Variants in MCM7 observed in about 807,000 individuals in gnomAD.
MCM7 encodes the protein minichromosome maintenance complex component 7, also known as DNA replication licensing factor MCM7.
Under a neutral mutation model 83.5 loss-of-function variants are expected in MCM7, and 95 were observed. That is an observed-to-expected ratio of 1.14 (90% confidence interval 0.96 to 1.35). The LOEUF (loss-of-function observed/expected upper bound fraction) is 1.35. Among genes scored for constraint, MCM7 ranks in the 40% most tolerant of loss-of-function variants. The pLI is 0.00. For missense variants in MCM7, 1,087 were observed against 957.4 expected (o/e 1.14, Z -1.79); for synonymous variants, 461 against 352.7 (o/e 1.31, Z -3.44).
At chr7:100,100,380 C>A (rs1020678576) in intron 1 of MCM7, 105 of 1,095,380 alleles carry the variant, frequency 9.6e-5, no homozygotes, top group Non-Finnish European at 1.1e-4. Context: ...GCCCCTCACA[C>A]TCCGGTCTCA....
In MCM7 at chr7:100,095,997, T is replaced by C. The variant is rs1795613384; in HGVS notation, c.1372A>G (p.Ile458Val). 1 of 1,614,108 alleles carries C rather than the reference T, an allele frequency of 6.2e-7. No individual in the cohort carries two copies. Among genetic ancestry groups the C allele is most frequent in the Non-Finnish European group, 8.5e-7 (1 of 1,180,006 alleles). ...GTCTGCTGCTCCATGACCTCGTGGA[T>C]GGCTGTGCGGTCGGCCTCAGCCATC... ...DKMAEADRTA[I>V]HEVMEQQTIS... The change falls in exon 11 of 15, where the codon ATC becomes GTC. Residue 458 changes from isoleucine to valine, a missense_variant. By Grantham distance (29) the Ile-to-Val change is conservative. Transcript: ENST00000303887.
At position 100,093,005 on chromosome 7, in the gene MCM7, G is replaced by A. The variant is rs1804099; in HGVS notation, c.2087C>T (p.Ala696Val). 35 of 1,614,090 alleles carry A rather than the reference G, an allele frequency of 2.2e-5. No homozygotes were observed. The African/African-American group carries it at 3.2e-4, about 15-fold the overall frequency. ...GAGCTCCTCATATTCATCCAGAGCCGCCTGGAACTGGGCGGGTGTGAAGCC... is the reference window on the plus strand; with the variant it reads ...GAGCTCCTCATATTCATCCAGAGCCACCTGGAACTGGGCGGGTGTGAAGCC... Reference protein sequence around the residue: ...SRGFTPAQFQAALDEYEELNV... With the variant: ...SRGFTPAQFQVALDEYEELNV... The change falls in exon 15 of 15, where the codon GCG (alanine) becomes GTG (valine). Residue 696 changes from alanine to valine, a missense_variant. Transcript: ENST00000303887.
intron 6 of MCM7, 34 bp from the exon 7 acceptor site, chr7:100,098,324 A>G (rs1264717963): frequency 6.2e-7 from 1 of 1,610,226 alleles, no homozygotes; most frequent in Admixed American, 1.7e-5. Flanking sequence ...GACTAGGAGA[A>G]ATGGACAAGG....
chr7:100,099,403 C>T lies in MCM7; in HGVS notation c.277G>A (p.Val93Met), dbSNP rs561088482. 784 of 1,504,876 alleles carry T rather than the reference C, an allele frequency of 5.2e-4. 10 individuals carry two copies. The South Asian group carries it at 8.8e-3, about 17-fold the overall frequency. The allele number at this position is 1,504,876 out of a possible 1,614,324, so 93.2% of individuals were successfully genotyped here. A position where few individuals can be genotyped will look rare whatever the true frequency, so the allele number is the denominator to read the frequency against. ...ACGTCCAGGACATCTTTATTTACCA[C>T]CTAAAGGAGAAGAACAAAAAAAAAA... Reference protein sequence around the residue: ...ELLPQYKEREVVNKDVLDVYI... With the variant: ...ELLPQYKEREMVNKDVLDVYI... The change falls in exon 4 of 15, where the codon GTG becomes ATG. Residue 93 changes from valine to methionine, a missense_variant and splice_region_variant. Physicochemically the swap from Val to Met is conservative, Grantham distance 21. Coordinates refer to ENST00000303887, the MANE Select transcript of MCM7 (RefSeq NM_005916.5).
chr7:100,095,318 A>G (rs574782857), intron 12 of MCM7, 69 bp downstream of exon 12: 1 of 1,363,502 alleles, frequency 7.3e-7, no homozygotes, highest in Non-Finnish European at 1.0e-6. Flanking sequence ...CCTAAGACTA[A>G]TAAGCACTTT....
intron 1 of MCM7, chr7:100,100,512 A>T: frequency 1.1e-5 from 11 of 992,152 alleles, no homozygotes; most frequent in Non-Finnish European, 1.3e-5. Flanking sequence ...CGCTCCCGCC[A>T]TCGCTTCCGC....
chr7:100,097,249 C>T, intron 10 of MCM7, 52 bp downstream of exon 10: 1 of 1,513,208 alleles, frequency 6.6e-7, no homozygotes, highest in Non-Finnish European at 9.2e-7. Context: ...TGAATAAACA[C>T]TGTGGTCCTG....
chr7:100,097,140 T>C (rs1341179013), intron 10 of MCM7, among the ~76,000 whole-genome samples, 161 bp downstream of exon 10: 1 of 152,174 alleles, frequency 6.6e-6, no homozygotes, highest in Non-Finnish European at 1.5e-5. Context: ...TTAGTAGACA[T>C]GGAAGCGGTC....
rs1795809482 is a variant in MCM7, at chr7:100,099,281, T to C, written c.399A>G (p.Arg133=). The change falls in exon 4 of 15, where the codon AGA becomes AGG. Residue 133 remains arginine, a splice_region_variant and synonymous_variant. Transcript: ENST00000303887. ...QNQYPAELMR[R]FELYFQGPSS... ...CTTTCCCGACAGAGACCACTCACAA[T>C]CTGCGCATGAGTTCAGCAGGGTACT... The C allele has an allele frequency of 6.2e-7, 1 of 1,614,092 alleles. No homozygotes were observed. Among genetic ancestry groups the C allele is most frequent in the South Asian group, 1.1e-5 (1 of 91,074 alleles).
At chr7:100,096,877 C>CAT (rs1432810693) in intron 10 of MCM7, among the ~76,000 whole-genome samples, 1 of 152,118 alleles carries the variant, frequency 6.6e-6, no homozygotes, top group Non-Finnish European at 1.5e-5. Context: ...CCGAGGCGGG[C>CAT]GGATCACGAG....
At chr7:100,100,810 C>G in intron 1 of MCM7, 2 of 998,002 alleles carry the variant, frequency 2.0e-6, no homozygotes, top group Non-Finnish European at 2.4e-6. Flanking sequence ...GCTCGGAGGG[C>G]GGCCTCAAAC....
In MCM7 at chr7:100,095,385, A is replaced by G. The variant is rs1396193269; in HGVS notation, c.1679+2T>C. The G allele has an allele frequency of 6.2e-7, 1 of 1,612,196 alleles. No individual in the cohort carries two copies. The highest frequency in any genetic ancestry group is 1.7e-5 in the Admixed American group (1 of 59,702). The stretch of plus-strand genomic sequence containing the variant: ...TTGCCCACCCGCACCCAGCTCTCCT[A>G]CCTCATGAGCTTCATGTCCAGAGGT... On this transcript the variant is annotated splice_donor_variant, in intron 12 of 14. Coordinates refer to ENST00000303887, the MANE Select transcript of MCM7 (RefSeq NM_005916.5). LOFTEE classifies it high-confidence loss of function.
At position 100,099,103 on chromosome 7, in the gene MCM7, T is replaced by G; in HGVS notation, c.502A>C (p.Thr168Pro). The change falls in exon 5 of 15, where the codon ACT becomes CCT. Residue 168 changes from threonine to proline, a missense_variant. Transcript: ENST00000303887. ...TTGGGTTTGACTTCAGAGACACGAG[T>G]GACGATTCCACGCACAGTTACCAAC... Reference protein sequence around the residue: ...GKLVTVRGIVTRVSEVKPKMV... With the variant: ...GKLVTVRGIVPRVSEVKPKMV... The G allele has an allele frequency of 6.2e-7, 1 of 1,613,926 alleles. No homozygotes were observed.
In MCM7 at chr7:100,095,458, G is replaced by A. The variant is rs1319750312; in HGVS notation, c.1608C>T (p.His536=). 6.2e-7 allele frequency: 1 copy of A among 1,614,122 alleles called. No individual in the cohort carries two copies. Among genetic ancestry groups the A allele is most frequent in the Non-Finnish European group, 8.5e-7 (1 of 1,180,020 alleles). Residue 536 remains histidine, a synonymous_variant, in exon 12 of 15, where the codon CAC becomes CAT. Coordinates refer to ENST00000303887, the MANE Select transcript of MCM7 (RefSeq NM_005916.5). Reference sequence around the variant, plus strand: ...GGCTGTGCTGGTGCACATAGGTGATGTGCTGGGCCAACCTGGACAGAGGGA... The same window carrying A: ...GGCTGTGCTGGTGCACATAGGTGATATGCTGGGCCAACCTGGACAGAGGGA... ...DRDNDLRLAQ[H]ITYVHQHSRQ...
rs1233672580 is a variant in MCM7, at chr7:100,093,283, A to G, written c.1958+9T>C. On this transcript the variant is annotated intron_variant, in intron 14 of 14. Coordinates refer to ENST00000303887, the MANE Select transcript of MCM7 (RefSeq NM_005916.5). ...GTGACACAGCTTTGTCCTTCACTAA[A>G]CCACTCACCTAGCTGTCTGCCCCTT... The G allele has an allele frequency of 8.1e-6, 13 of 1,611,804 alleles. No homozygotes were observed. The highest frequency in any genetic ancestry group is 1.3e-5 in the African/African-American group (1 of 74,908).
At chr7:100,100,792 C>T in intron 1 of MCM7, 2 of 994,422 alleles carry the variant, frequency 2.0e-6, no homozygotes, top group Non-Finnish European at 2.4e-6. Context: ...CCGCCCGGCT[C>T]CACTTCCGCT....
chr7:100,098,277 GGC>G lies in MCM7; in HGVS notation c.732_733del (p.Pro245CysfsTer7). ...GATACTACGAGGGATATTTCCCACA[GGC>G]ACCTGATCACTCTAGGGGAGGGAAA... On this transcript the variant is annotated frameshift_variant, in exon 7 of 15. Transcript: ENST00000303887. LOFTEE classifies it high-confidence loss of function. 1 of 1,614,136 alleles carries G rather than the reference GGC, an allele frequency of 6.2e-7. No individual in the cohort carries two copies. Among genetic ancestry groups the G allele is most frequent in the Non-Finnish European group, 8.5e-7 (1 of 1,180,024 alleles).
Position 100,096,098 on chromosome 7 carries a change from C to T in MCM7, c.1271G>A (p.Ser424Asn). Residue 424 changes from serine to asparagine, a missense_variant, in exon 11 of 15, where the codon AGT (serine) becomes AAT (asparagine). Ser to Asn is a conservative substitution (Grantham distance 46). Coordinates refer to ENST00000303887, the MANE Select transcript of MCM7 (RefSeq NM_005916.5). ...LTAAVLRDSV[S>N]GELTLEGGAL... Reference sequence around the variant, plus strand: ...CCCACCCTCTAAGGTCAGTTCTCCACTCACGGAGTCTCTCAGCACAGCTGC... The same window carrying T: ...CCCACCCTCTAAGGTCAGTTCTCCATTCACGGAGTCTCTCAGCACAGCTGC... 1 of 1,614,082 alleles carries T rather than the reference C, an allele frequency of 6.2e-7. No individual in the cohort carries two copies. Among genetic ancestry groups the T allele is most frequent in the Non-Finnish European group, 8.5e-7 (1 of 1,179,980 alleles).
In MCM7 at chr7:100,099,151, C is replaced by T; in HGVS notation, c.454G>A (p.Val152Met). Residue 152 changes from valine to methionine, a missense_variant, in exon 5 of 15, where the codon GTG becomes ATG. Coordinates refer to ENST00000303887, the MANE Select transcript of MCM7 (RefSeq NM_005916.5). ...SSNKPRVIRE[V>M]RADSVGKLVT... The stretch of plus-strand genomic sequence containing the variant: ...AACTTCCCCACAGAGTCAGCCCGCA[C>T]TTCCCGGATCACACGAGGCTTGTTG... 2 of 1,614,154 alleles carry T rather than the reference C, an allele frequency of 1.2e-6. No individual in the cohort carries two copies. Among genetic ancestry groups the T allele is most frequent in the East Asian group, 4.5e-5 (2 of 44,878 alleles).
Sources: gnomAD v4.1 joint callset for allele counts (sites outside exome capture counted in the v4.1 genomes callset) on GRCh38, gnomAD v4.1.1 for gene constraint, MANE v1.5 for transcripts, NCBI Gene and HGNC (gene_info 2026-07-23, HGNC 2026-07-21) for gene names.